The following CXADR variants were observed in gnomAD, a reference collection of about 807,000 sequenced individuals.
CXADR encodes CXADR cell adhesion molecule.
Under a neutral mutation model 40.3 loss-of-function variants are expected in CXADR, and 20 were observed. The ratio of observed to expected loss-of-function variants is 0.50; its 90% confidence interval spans 0.35 to 0.72. CXADR has a LOEUF of 0.72. Among genes scored for constraint, CXADR ranks in the 30% least tolerant of loss-of-function variants. The probability of loss-of-function intolerance (pLI) is 0.01; values close to 1 mark genes in which losing one functional copy is unlikely to be tolerated. For missense variants in CXADR, 332 were observed against 449.1 expected (o/e 0.74, Z 2.36); for synonymous variants, 150 against 161.3 (o/e 0.93, Z 0.53).
chr21:17,592,973 C>T lies in CXADR; in HGVS notation c.1018-179C>T, dbSNP rs114055565. ...AAATAACAATAATTTGTGGAATAGC[C>T]ATGGCCATTCAATGATTTATTAGCA... On this transcript the variant is annotated intron_variant, in intron 7 of 7. Coordinates refer to the CXADR transcript ENST00000400169. Among the ~76,000 whole-genome samples, 1,298 of 151,934 alleles carry T rather than the reference C, an allele frequency of 8.5e-3. 25 individuals are homozygous for T. Among genetic ancestry groups the T allele is most frequent in the African/African-American group, 0.03 (1,235 of 41,492 alleles).
At chr21:17,516,393 A>T (rs558811242) in intron 1 of CXADR, among the ~76,000 whole-genome samples, 1 of 152,352 alleles carries the variant, frequency 6.6e-6, no homozygotes, top group African/African-American at 2.4e-5. Context: ...GAAGGCTTTT[A>T]TTATTAGCTC....
At chr21:17,635,154 T>C in the CXADR span, among the ~76,000 whole-genome samples, 2 of 152,168 alleles carry the variant, frequency 1.3e-5, no homozygotes, top group Non-Finnish European at 2.9e-5. Context: ...TTTAATAACC[T>C]CCTTTTGAAA....
chr21:17,571,145 C>T (rs73892603), downstream of CXADR, among the ~76,000 whole-genome samples: 369 of 152,316 alleles, frequency 2.4e-3, 3 homozygotes, highest in African/African-American at 8.0e-3. Flanking sequence ...GTGAAATTTT[C>T]TACTCGGCGA....
Position 17,568,363 on chromosome 21 carries a change from C to G in CXADR, c.*2671C>G, listed in dbSNP as rs1306309027. The stretch of plus-strand genomic sequence containing the variant: ...CAGGATGGTCTCGATCTCCTGACCT[C>G]GTGATCTGCCTGCCTCGGCCTCCCA... On this transcript the variant is annotated 3_prime_UTR_variant, in exon 7 of 7. Transcript: ENST00000284878. 2.7e-5 allele frequency: 24 copies of G among 898,804 alleles called. No homozygotes were observed. The highest frequency in any genetic ancestry group is 3.2e-5 in the Non-Finnish European group (24 of 751,798). 55.7% of individuals were successfully genotyped at this position (898,804 alleles called of 1,614,324 possible). A position where few individuals can be genotyped will look rare whatever the true frequency, so the allele number is the denominator to read the frequency against.
chr21:17,558,827 A>T (rs532272829), intron 3 of CXADR, 149 bp from the exon 4 acceptor site: 1 of 732,634 alleles, frequency 1.4e-6, no homozygotes, highest in African/African-American at 1.8e-5. Flanking sequence ...GAATAAACTG[A>T]TGTTGATCAC....
At chr21:17,621,443 A>G in the CXADR span, among the ~76,000 whole-genome samples, 1 of 152,214 alleles carries the variant, frequency 6.6e-6, no homozygotes, top group Non-Finnish European at 1.5e-5. Flanking sequence ...CATTGGGAAC[A>G]GTGCACACAT....
chr21:17,552,009 A>T (rs1042663893), intron 3 of CXADR, 56 bp downstream of exon 3: 9 of 1,283,626 alleles, frequency 7.0e-6, no homozygotes, highest in Non-Finnish European at 1.0e-5. Flanking sequence ...GATTAGTCAT[A>T]GTACTGTAGT....
intron 3 of CXADR, among the ~76,000 whole-genome samples, chr21:17,556,883 C>T (rs2061042964): frequency 6.6e-6 from 1 of 152,146 alleles, no homozygotes; most frequent in Admixed American, 6.5e-5. Flanking sequence ...AGATACCCCA[C>T]TGAATATGAT....
chr21:17,536,392 C>T lies in CXADR; in HGVS notation c.44-10635C>T, dbSNP rs537101825. Among the ~76,000 whole-genome samples, 48 of 152,300 alleles carry T rather than the reference C, an allele frequency of 3.2e-4. 1 individual carries two copies. In the South Asian group the frequency reaches 9.9e-3, roughly 32 times the overall value. On this transcript the variant is annotated intron_variant, in intron 1 of 6. Transcript: ENST00000284878. ...CCCTGAGCTGTTTCTCCCATGTAGG[C>T]TTCATTGTTCGGGTTCTTTGCTTCT...
At chr21:17,518,726 C>A (rs996873171) in intron 1 of CXADR, 10 of 1,602,406 alleles carry the variant, frequency 6.2e-6, no homozygotes, top group Non-Finnish European at 8.5e-6. Flanking sequence ...ATTGGTTTGG[C>A]TTCTGCATGA....
At chr21:17,535,258 C>T (rs1002782274) in intron 1 of CXADR, among the ~76,000 whole-genome samples, 1 of 152,258 alleles carries the variant, frequency 6.6e-6, no homozygotes, top group Non-Finnish European at 1.5e-5. Context: ...TTCCTAGTAG[C>T]TGGGACCACA....
chr21:17,570,271 C>G (rs2061267037), downstream of CXADR, among the ~76,000 whole-genome samples: 3 of 152,100 alleles, frequency 2.0e-5, no homozygotes, highest in Non-Finnish European at 4.4e-5. Flanking sequence ...GAAAACATGT[C>G]AAGCATACAG....
rs2061433089 is a variant in CXADR at position 17,591,332 on chromosome 21, T to A, written c.1018-1820T>A. Among the ~76,000 whole-genome samples, 4 of 152,096 alleles carry A rather than the reference T, an allele frequency of 2.6e-5. No homozygotes were observed. The South Asian group carries it at 8.3e-4, about 32-fold the overall frequency. On this transcript the variant is annotated intron_variant, in intron 7 of 7. Transcript: ENST00000400169. The stretch of plus-strand genomic sequence containing the variant: ...GTTGTTGCCATGTAGTAATAAAAAT[T>A]AAAAAAATTATTTACTATTATCTGT...
At chr21:17,619,462 G>T in the CXADR span, among the ~76,000 whole-genome samples, 3 of 152,170 alleles carry the variant, frequency 2.0e-5, no homozygotes, top group South Asian at 2.1e-4. Flanking sequence ...GGTGATGCAT[G>T]CCTGTAATCC....
intron 3 of CXADR, among the ~76,000 whole-genome samples, chr21:17,553,614 C>CTTTTTTTTTTTTTTTTTTTT (rs10710377): frequency 6.2e-5 from 8 of 128,276 alleles, no homozygotes; most frequent in Non-Finnish European, 8.5e-5. Flanking sequence ...GGTCCGAATT[C>CTTTTTTTTTTTTTTTTTTTT]TTTTTTTTTT....
chr21:17,579,726 A>C (rs1360273821), intron 7 of CXADR, among the ~76,000 whole-genome samples: 1 of 152,230 alleles, frequency 6.6e-6, no homozygotes, highest in Non-Finnish European at 1.5e-5. Context: ...CTTAGAACAC[A>C]GAAAGCAGTC....
chr21:17,542,114 C>A, intron 1 of CXADR: 1 of 269,538 alleles, frequency 3.7e-6, no homozygotes, highest in Non-Finnish European at 7.3e-6. Context: ...TTTTTCTGTT[C>A]TACTTTTCTC....
chr21:17,518,636 G>A (rs1280597783), intron 1 of CXADR: 1 of 1,595,970 alleles, frequency 6.3e-7, no homozygotes, highest in Non-Finnish European at 8.6e-7. Flanking sequence ...ACTTGCCGTG[G>A]GAACTGTTCA....
At chr21:17,582,716 C>T (rs1367873820) in intron 7 of CXADR, among the ~76,000 whole-genome samples, 1 of 152,194 alleles carries the variant, frequency 6.6e-6, no homozygotes, top group Non-Finnish European at 1.5e-5. Flanking sequence ...CAGTGTGTCT[C>T]CTTGATTTAT....
Sources: gnomAD v4.1 joint callset for allele counts (sites outside exome capture counted in the v4.1 genomes callset) on GRCh38, gnomAD v4.1.1 for gene constraint, MANE v1.5 for transcripts, NCBI Gene and HGNC (gene_info 2026-07-23, HGNC 2026-07-21) for gene names.